Variants in SNAP25 observed in about 807,000 individuals in gnomAD.
SNAP25 encodes synaptosomal-associated protein 25.
Under a neutral mutation model 28.7 loss-of-function variants are expected in SNAP25, and 3 were observed. The observed-to-expected ratio is 0.10, with a 90% confidence interval of 0.05 to 0.27. The LOEUF (loss-of-function observed/expected upper bound fraction) is 0.27, where lower values mean the gene tolerates loss of function less well. SNAP25 is among the 10% of genes least tolerant of loss of function. The pLI is 1.00. For synonymous variants in SNAP25, 61 were observed against 88.1 expected (o/e 0.69, Z 1.72); for missense variants, 117 against 278.7 (o/e 0.42, Z 4.13).
intron 3 of SNAP25, among the ~76,000 whole-genome samples, chr20:10,278,273 A>G (rs779699558): frequency 1.1e-4 from 17 of 152,242 alleles, no homozygotes; most frequent in Non-Finnish European, 1.6e-4. Context: ...GTCCAATAAT[A>G]TAAATACAGA....
At chr20:10,231,529 C>G (rs182461552) in intron 1 of SNAP25, 15 of 152,328 alleles carry the variant, frequency 9.8e-5, no homozygotes. Context: ...GGTGCAGGTC[C>G]AATCTCCTGG....
chr20:10,289,092 T>A (rs1254682977), intron 4 of SNAP25, among the ~76,000 whole-genome samples: 1 of 152,146 alleles, frequency 6.6e-6, no homozygotes, highest in Non-Finnish European at 1.5e-5. Flanking sequence ...TCTCAACCAC[T>A]GTTGGGTCAG....
At chr20:10,252,498 GTA>G (rs1351655315) in intron 1 of SNAP25, among the ~76,000 whole-genome samples, 1 of 152,108 alleles carries the variant, frequency 6.6e-6, no homozygotes, top group Non-Finnish European at 1.5e-5. Flanking sequence ...CTAATCAAGG[GTA>G]AATAACAAAA....
rs568631122 is a variant in SNAP25, at chr20:10,290,276, C to T, written c.164-2885C>T. Among the ~76,000 whole-genome samples, 14 of 152,222 alleles carry T rather than the reference C, an allele frequency of 9.2e-5. 1 individual carries two copies. The South Asian group carries it at 2.5e-3, about 27-fold the overall frequency. On this transcript the variant is annotated intron_variant, in intron 4 of 7. Transcript: ENST00000254976. Reference sequence around the variant, plus strand: ...TGCTAGAATTTCTGCAACAAAATGACTCCACAATATTTTTTAAATTAAAGG... The same window carrying T: ...TGCTAGAATTTCTGCAACAAAATGATTCCACAATATTTTTTAAATTAAAGG...
At chr20:10,265,407 A>G (rs993128597) in intron 1 of SNAP25, among the ~76,000 whole-genome samples, 1 of 152,236 alleles carries the variant, frequency 6.6e-6, no homozygotes, top group Admixed American at 6.5e-5. Flanking sequence ...AGGGAGAAGA[A>G]TAATTTATCA....
intron 1 of SNAP25, among the ~76,000 whole-genome samples, chr20:10,257,399 T>C (rs1223314871): frequency 6.6e-6 from 1 of 152,072 alleles, no homozygotes; most frequent in Non-Finnish European, 1.5e-5. Flanking sequence ...GGTGAAACCC[T>C]GTCTCTACTA....
Position 10,289,779 on chromosome 20 carries a change from G to GA in SNAP25, c.164-3382_164-3381insA, listed in dbSNP as rs1478613828. Among the ~76,000 whole-genome samples, 10 of 150,114 alleles carry GA rather than the reference G, an allele frequency of 6.7e-5. No individual in the cohort carries two copies. The Admixed American group carries it at 6.7e-4, about 10-fold the overall frequency. ...ATTTTTACTAGATTGAGAATACTAA[G>GA]GGCCCCATGTTGGCTTACTTAGGAG... On this transcript the variant is annotated intron_variant, in intron 4 of 7. Coordinates refer to ENST00000254976, the MANE Select transcript of SNAP25 (RefSeq NM_130811.4).
intron 1 of SNAP25, among the ~76,000 whole-genome samples, chr20:10,239,605 A>G (rs552362114): frequency 2.0e-5 from 3 of 152,364 alleles, no homozygotes; most frequent in Admixed American, 1.3e-4. Flanking sequence ...CTCTATGCAT[A>G]TGAAGTCATT....
At chr20:10,284,407 T>TC (rs2063836283) in intron 3 of SNAP25, among the ~76,000 whole-genome samples, 1 of 152,234 alleles carries the variant, frequency 6.6e-6, no homozygotes, top group Non-Finnish European at 1.5e-5. Context: ...CACGTTTATT[T>TC]CCAAACATAA....
rs560799456 is a variant in SNAP25 at position 10,269,893 on chromosome 20, C to T, written c.-63-5536C>T. 7.7e-4 allele frequency among the ~76,000 whole-genome samples: 118 copies of T among 152,340 alleles called. 1 individual carries two copies. The highest frequency in any genetic ancestry group is 2.5e-3 in the African/African-American group (106 of 41,570). ...AATACAAGAACAGCTGGATTTGGCCCGTGGGCCCTAACTTCCCGAAAGCCC... is the reference window on the plus strand; with the variant it reads ...AATACAAGAACAGCTGGATTTGGCCTGTGGGCCCTAACTTCCCGAAAGCCC... On this transcript the variant is annotated intron_variant, in intron 1 of 7. Transcript: ENST00000254976.
chr20:10,222,555 T>A (rs187483167), intron 1 of SNAP25, among the ~76,000 whole-genome samples: 36 of 152,200 alleles, frequency 2.4e-4, no homozygotes, highest in African/African-American at 8.0e-4. Context: ...GATGCAGAGT[T>A]GGAGCCTTCT....
intron 1 of SNAP25, among the ~76,000 whole-genome samples, chr20:10,220,103 A>G (rs942501277): frequency 1.3e-5 from 2 of 152,186 alleles, no homozygotes; most frequent in African/African-American, 4.8e-5. Flanking sequence ...TACTGTATAT[A>G]TGAAGAAGCC....
chr20:10,292,878 C>G, intron 4 of SNAP25: 2 of 1,593,998 alleles, frequency 1.3e-6, no homozygotes, highest in Non-Finnish European at 1.7e-6. Flanking sequence ...TTTGTCCTAA[C>G]CAGAACAACT....
chr20:10,241,662 C>T (rs1201681504), intron 1 of SNAP25, among the ~76,000 whole-genome samples: 1 of 152,044 alleles, frequency 6.6e-6, no homozygotes, highest in Non-Finnish European at 1.5e-5. Flanking sequence ...CAAGAACGGC[C>T]AATCATGAGA....
rs1162544130 is a variant in SNAP25 at position 10,307,132 on chromosome 20, A to T, written c.*935A>T. The T allele has an allele frequency of 6.6e-6, 1 of 152,464 alleles. No individual in the cohort carries two copies. Among genetic ancestry groups the T allele is most frequent in the African/African-American group, 2.4e-5 (1 of 41,414 alleles). 9.4% of individuals were successfully genotyped at this position (152,464 alleles called of 1,614,324 possible). A position where few individuals can be genotyped will look rare whatever the true frequency, so the allele number is the denominator to read the frequency against. On this transcript the variant is annotated 3_prime_UTR_variant, in exon 8 of 8. Transcript: ENST00000254976. ...GCAATCTTGCTGTGAAACAGTGTGG[A>T]TGTAAATTTTATAAGGCTGACTCTT...
intron 3 of SNAP25, among the ~76,000 whole-genome samples, chr20:10,283,999 T>C (rs1361091494): frequency 1.3e-5 from 2 of 152,190 alleles, no homozygotes; most frequent in Non-Finnish European, 2.9e-5. Context: ...TTTTAAAGAC[T>C]TCCCCGGCAC....
At position 10,275,069 on chromosome 20, in the gene SNAP25, TTAAATAAA is replaced by T. The variant is rs377525248; in HGVS notation, c.-63-322_-63-315del. Among the ~76,000 whole-genome samples, 341 of 131,974 alleles carry T rather than the reference TTAAATAAA, an allele frequency of 2.6e-3. 2 individuals carry two copies. The highest frequency in any genetic ancestry group is 4.3e-3 in the African/African-American group (156 of 35,986). 86.6% of individuals were successfully genotyped at this position (131,974 alleles called of 152,430 possible). A position where few individuals can be genotyped will look rare whatever the true frequency, so the allele number is the denominator to read the frequency against. ...ATCTGTTATACCTTAATAGAGCTAT[TTAAATAAA>T]TAAATAAATAAATAAATAAATAAAT... On this transcript the variant is annotated intron_variant, in intron 1 of 7. Coordinates refer to ENST00000254976, the MANE Select transcript of SNAP25 (RefSeq NM_130811.4).
At chr20:10,282,156 GA>G (rs1248850982) in intron 3 of SNAP25, among the ~76,000 whole-genome samples, 4 of 74,600 alleles carry the variant, frequency 5.4e-5, no homozygotes, top group Admixed American at 1.6e-4. Flanking sequence ...GGGAAGGAAG[GA>G]AGGATGGAAG....
At chr20:10,284,000 T>C (rs144138615) in intron 3 of SNAP25, among the ~76,000 whole-genome samples, 1 of 152,130 alleles carries the variant, frequency 6.6e-6, no homozygotes, top group Non-Finnish European at 1.5e-5. Flanking sequence ...TTTAAAGACT[T>C]CCCCGGCACA....
Sources: allele counts gnomAD v4.1 joint callset (sites outside exome capture counted in the v4.1 genomes callset), GRCh38; gene constraint gnomAD v4.1.1; transcripts MANE v1.5; gene names NCBI Gene and HGNC (gene_info 2026-07-23, HGNC 2026-07-21).